PACSIN2: variants seen among roughly 807,000 people sequenced by gnomAD.
PACSIN2 encodes protein kinase C and casein kinase substrate in neurons protein 2.
In PACSIN2, 25 loss-of-function variants were observed where a neutral mutation model predicts 63.8. The observed-to-expected ratio is 0.39, with a 90% CI of 0.29 to 0.55. The LOEUF (loss-of-function observed/expected upper bound fraction) is 0.55, where lower values mean the gene tolerates loss of function less well. PACSIN2 is among the 20% of genes least tolerant of loss of function. PACSIN2 has a pLI of 0.62. For synonymous variants in PACSIN2, 255 were observed against 256.2 expected (o/e 1.00, Z 0.05); for missense variants, 518 against 646.9 (o/e 0.80, Z 2.16).
chr22:42,875,667 CTG>C (rs1928560297), intron 10 of PACSIN2, among the ~76,000 whole-genome samples: 1 of 152,066 alleles, frequency 6.6e-6, no homozygotes, highest in African/African-American at 2.4e-5. Context: ...TCCTGAGTAA[CTG>C]TGATTATAGA....
At position 42,916,983 on chromosome 22, in the gene PACSIN2, C is replaced by T. The variant is rs191256573; in HGVS notation, c.-77-4826G>A. ...ATAAGCACTTTTGGTGACGCTGCCA[C>T]CTGCCACTGTGACCTTGCCACCAGC... On this transcript the variant is annotated intron_variant, in intron 1 of 10. Coordinates refer to ENST00000263246, the MANE Select transcript of PACSIN2 (RefSeq NM_001184970.3). 2.5e-3 allele frequency among the ~76,000 whole-genome samples: 379 copies of T among 152,288 alleles called. 3 individuals carry two copies. Among genetic ancestry groups the T allele is most frequent in the African/African-American group, 8.6e-3 (359 of 41,550 alleles).
intron 1 of PACSIN2, among the ~76,000 whole-genome samples, chr22:43,003,538 G>T (rs1037769744): frequency 4.6e-5 from 7 of 152,206 alleles, no homozygotes; most frequent in African/African-American, 1.7e-4. Context: ...AGGAGGCGGA[G>T]CTTGCAGTGA....
intron 1 of PACSIN2, chr22:42,993,541 G>T (rs1923192464): frequency 1.3e-5 from 2 of 152,180 alleles, no homozygotes; most frequent in African/African-American, 4.8e-5. Flanking sequence ...GGAAAGATAG[G>T]ACATTTTAAA....
intron 1 of PACSIN2, among the ~76,000 whole-genome samples, chr22:42,913,809 C>CTGCT (rs1296761208): frequency 6.6e-6 from 1 of 152,168 alleles, no homozygotes; most frequent in African/African-American, 2.4e-5. Flanking sequence ...CCAGCTCTGC[C>CTGCT]TGCTTGCTAA....
intron 1 of PACSIN2, among the ~76,000 whole-genome samples, chr22:42,960,619 A>G (rs1454048655): frequency 1.3e-5 from 2 of 152,244 alleles, no homozygotes; most frequent in Non-Finnish European, 2.9e-5. Context: ...TTGTGCCTAC[A>G]AGAATACATG....
At chr22:42,879,916 C>T (rs1034452032) in intron 7 of PACSIN2, among the ~76,000 whole-genome samples, 3 of 152,116 alleles carry the variant, frequency 2.0e-5, no homozygotes, top group Non-Finnish European at 4.4e-5. Context: ...CTGGGGCTAA[C>T]GAAGCAAAGC....
At chr22:42,955,700 C>T (rs1054344574) in intron 1 of PACSIN2, among the ~76,000 whole-genome samples, 1 of 152,216 alleles carries the variant, frequency 6.6e-6, no homozygotes, top group Non-Finnish European at 1.5e-5. Flanking sequence ...CATGGCTTTA[C>T]AGTCTTGCTT....
intron 5 of PACSIN2, among the ~76,000 whole-genome samples, chr22:42,888,000 A>C (rs1929618521): frequency 6.7e-6 from 1 of 150,090 alleles, no homozygotes; most frequent in Non-Finnish European, 1.5e-5. Context: ...CCTCCCTCCC[A>C]CCTGGCTCCC....
chr22:42,965,073 G>A (rs5751405), intron 1 of PACSIN2, among the ~76,000 whole-genome samples: 91,667 of 152,098 alleles, frequency 0.6, 28,167 homozygotes, highest in East Asian at 0.78. Context: ...GTGTGGCATC[G>A]GCGCACAGCT....
chr22:42,964,476 G>A (rs1226562707), intron 1 of PACSIN2, among the ~76,000 whole-genome samples: 5 of 151,554 alleles, frequency 3.3e-5, no homozygotes, highest in Admixed American at 3.3e-4. Context: ...TAATTGGGTT[G>A]TTAATAGAAT....
At chr22:42,955,060 A>G (rs919531124) in intron 1 of PACSIN2, among the ~76,000 whole-genome samples, 4 of 152,188 alleles carry the variant, frequency 2.6e-5, no homozygotes, top group East Asian at 3.9e-4. Context: ...CTCATCATCA[A>G]ACTGGAGTTT....
Position 42,871,938 on chromosome 22 carries a change from G to GA in PACSIN2, c.1349-470_1349-469insT, listed in dbSNP as rs1928174611. Among the ~76,000 whole-genome samples the GA allele has an allele frequency of 6.7e-6, 1 of 149,564 alleles. No homozygotes were observed. ...CTCCTCTGCAACTTCCAGGCTGCGA[G>GA]GGGAAGGGACCATGTCTGACAGTCA... On this transcript the variant is annotated intron_variant, in intron 10 of 10. Coordinates refer to ENST00000263246, the MANE Select transcript of PACSIN2 (RefSeq NM_001184970.3). This position sits in a 1 kb window ranked among gnomAD's most constrained non-coding sequence, Gnocchi z 5.4.
chr22:43,011,112 C>T (rs556156049), intron 1 of PACSIN2, among the ~76,000 whole-genome samples: 9 of 152,336 alleles, frequency 5.9e-5, no homozygotes, highest in African/African-American at 1.9e-4. Flanking sequence ...ACCACTGGGA[C>T]GCATCTGGAG....
chr22:42,951,344 G>A (rs1046075561), intron 1 of PACSIN2, among the ~76,000 whole-genome samples: 3 of 152,104 alleles, frequency 2.0e-5, no homozygotes, highest in Non-Finnish European at 2.9e-5. Flanking sequence ...CACACCCGTG[G>A]TGCCCAGGGC....
intron 1 of PACSIN2, among the ~76,000 whole-genome samples, chr22:43,010,398 A>ATATATATATATATTT: frequency 1.6e-5 from 2 of 126,396 alleles, no homozygotes; most frequent in African/African-American, 5.7e-5. Context: ...ATATATATAT[A>ATATATATATATATTT]TTTTTTTTTA....
At chr22:42,906,355 T>C (rs1038406625) in intron 2 of PACSIN2, among the ~76,000 whole-genome samples, 6 of 152,268 alleles carry the variant, frequency 3.9e-5, no homozygotes, top group Non-Finnish European at 4.4e-5. Flanking sequence ...GTCTGTCCAA[T>C]GTTGACGTCT....
At chr22:42,885,515 G>A (rs1218010663) in intron 5 of PACSIN2, among the ~76,000 whole-genome samples, 1 of 152,144 alleles carries the variant, frequency 6.6e-6, no homozygotes, top group South Asian at 2.1e-4. Context: ...TTCTGAGGAA[G>A]GATGGAGCGC....
chr22:42,896,488 G>C (rs918472405), intron 2 of PACSIN2, among the ~76,000 whole-genome samples: 3 of 152,068 alleles, frequency 2.0e-5, no homozygotes, highest in Admixed American at 6.6e-5. Context: ...AGTAGTATTC[G>C]ATTGGGTAGT....
intron 1 of PACSIN2, among the ~76,000 whole-genome samples, chr22:42,974,928 G>GCAGC (rs1170211432): frequency 1.3e-5 from 2 of 152,040 alleles, no homozygotes; most frequent in Non-Finnish European, 1.5e-5. Context: ...TTGATGCAAG[G>GCAGC]CAGCCAGCTG....
Sources: allele counts gnomAD v4.1 joint callset (sites outside exome capture counted in the v4.1 genomes callset), GRCh38; gene constraint gnomAD v4.1.1; non-coding constraint Gnocchi (gnomAD v3.1); transcripts MANE v1.5; gene names NCBI Gene and HGNC (gene_info 2026-07-23, HGNC 2026-07-21).